Variants in KHDRBS2 observed in about 807,000 individuals in gnomAD.
The protein encoded by KHDRBS2 is KH RNA binding domain containing, signal transduction associated 2, also known as KH domain-containing, RNA-binding, signal transduction-associated protein 2.
KHDRBS2 carries 26 observed loss-of-function variants against 44.3 expected under a neutral mutation model. That is an observed-to-expected ratio of 0.59 (90% CI 0.43 to 0.81). The LOEUF (loss-of-function observed/expected upper bound fraction) is 0.81. Among genes scored for constraint, KHDRBS2 ranks in the 40% least tolerant of loss-of-function variants. The pLI is 0.00. For synonymous variants in KHDRBS2, 194 were observed against 151.1 expected, an observed-to-expected ratio of 1.28 and a Z score of -2.08; for missense variants, 476 against 433.1, an observed-to-expected ratio of 1.10 and a Z score of -0.88.
intron 1 of KHDRBS2, among the ~76,000 whole-genome samples, chr6:62,274,553 C>A (rs1265647672): frequency 6.6e-6 from 1 of 152,120 alleles, no homozygotes; most frequent in Non-Finnish European, 1.5e-5. Context: ...AATAAATATT[C>A]TCTTTCTTAT....
chr6:62,098,878 GCTCA>G (rs1295246681), intron 2 of KHDRBS2, among the ~76,000 whole-genome samples: 7 of 151,796 alleles, frequency 4.6e-5, no homozygotes, highest in Admixed American at 6.6e-5. Flanking sequence ...CTGTCTTTGG[GCTCA>G]CTATTTTTTT....
At chr6:62,027,352 T>C (rs1165252020) in intron 3 of KHDRBS2, among the ~76,000 whole-genome samples, 1 of 152,162 alleles carries the variant, frequency 6.6e-6, no homozygotes, top group Non-Finnish European at 1.5e-5. Context: ...TGTGATATAG[T>C]AAGAAATATA....
At position 61,894,768 on chromosome 6, in the gene KHDRBS2, C is replaced by A. The variant is rs1421825330; in HGVS notation, c.677G>T (p.Ser226Ile). The change falls in exon 6 of 9, where the codon AGC (serine) becomes ATC (isoleucine). Residue 226 changes from serine (S) to isoleucine (I), a missense_variant. Transcript: ENST00000281156. ...PGRGVLTPRG[S>I]TVTRGALPVP... ...TGGAAGCGCTCCACGGGTTACAGTG[C>A]TTCCCCGAGGGGTGAGAACACCTCG... The A allele has an allele frequency of 6.2e-7, 1 of 1,613,368 alleles. No homozygotes were observed. Among genetic ancestry groups the A allele is most frequent in the Non-Finnish European group, 8.5e-7 (1 of 1,179,776 alleles).
chr6:61,776,994 T>C (rs898678269), intron 6 of KHDRBS2, among the ~76,000 whole-genome samples: 1 of 152,148 alleles, frequency 6.6e-6, no homozygotes, highest in African/African-American at 2.4e-5. Flanking sequence ...TGTAGGGACA[T>C]GGACGAAACT....
chr6:61,913,916 GGT>G (rs1806500633), intron 4 of KHDRBS2, among the ~76,000 whole-genome samples: 2 of 152,184 alleles, frequency 1.3e-5, no homozygotes, highest in Admixed American at 6.6e-5. Context: ...AGTGAGCAAG[GGT>G]GTAAATGATA....
At chr6:61,791,937 T>C (rs1784696046) in intron 6 of KHDRBS2, among the ~76,000 whole-genome samples, 1 of 151,532 alleles carries the variant, frequency 6.6e-6, no homozygotes. Context: ...ATTCCTACCA[T>C]CTTATCTTGT....
chr6:61,564,552 G>T, the KHDRBS2 span, among the ~76,000 whole-genome samples: 2 of 151,954 alleles, frequency 1.3e-5, no homozygotes, highest in African/African-American at 4.8e-5. Context: ...AAGGTGATCT[G>T]GTATCTTCCA....
chr6:61,687,727 C>A (rs192724773), intron 8 of KHDRBS2, among the ~76,000 whole-genome samples: 6 of 151,796 alleles, frequency 4.0e-5, no homozygotes, highest in Admixed American at 1.3e-4. Flanking sequence ...ACAATTTTAT[C>A]TTCTGTGCCT....
At chr6:61,626,123 G>A in the KHDRBS2 span, among the ~76,000 whole-genome samples, 2 of 152,076 alleles carry the variant, frequency 1.3e-5, no homozygotes, top group African/African-American at 4.8e-5. Context: ...TCTACTTATA[G>A]ACATACTTTA....
chr6:62,209,882 G>A (rs1828725960), intron 1 of KHDRBS2, among the ~76,000 whole-genome samples: 1 of 152,078 alleles, frequency 6.6e-6, no homozygotes, highest in Non-Finnish European at 1.5e-5. Context: ...TGATTTGCCA[G>A]GAGCTCTCAA....
intron 2 of KHDRBS2, among the ~76,000 whole-genome samples, chr6:62,071,123 T>A (rs145615619): frequency 8.6e-5 from 13 of 152,012 alleles, no homozygotes; most frequent in Non-Finnish European, 1.5e-4. Context: ...TGTCTTTTGG[T>A]TGCATAAATG....
chr6:61,724,913 A>T (rs1217222173), intron 7 of KHDRBS2, among the ~76,000 whole-genome samples: 1 of 152,110 alleles, frequency 6.6e-6, no homozygotes, highest in Non-Finnish European at 1.5e-5. Flanking sequence ...TAAACAGAAA[A>T]TTAACAAAGT....
chr6:61,552,473 C>T, the KHDRBS2 span, among the ~76,000 whole-genome samples: 5 of 152,232 alleles, frequency 3.3e-5, no homozygotes, highest in East Asian at 7.7e-4. Flanking sequence ...GATAGTTTGA[C>T]TTCCTCTCTT....
chr6:61,922,620 C>G lies in KHDRBS2; in HGVS notation c.484-21249G>C, dbSNP rs183828982. 8.4e-4 allele frequency among the ~76,000 whole-genome samples: 128 copies of G among 152,174 alleles called. 2 individuals carry two copies. Among genetic ancestry groups the G allele is most frequent in the Non-Finnish European group, 1.6e-3 (106 of 67,988 alleles). ...GGAACCAGGAGTGGAGGAGGACCAACTAGACTAGAAATGCCATAATTCACA... is the reference window on the plus strand; with the variant it reads ...GGAACCAGGAGTGGAGGAGGACCAAGTAGACTAGAAATGCCATAATTCACA... On this transcript the variant is annotated intron_variant, in intron 4 of 8. Transcript: ENST00000281156.
At chr6:61,999,192 A>T (rs1434313068) in intron 3 of KHDRBS2, among the ~76,000 whole-genome samples, 6 of 152,080 alleles carry the variant, frequency 3.9e-5, no homozygotes, top group Non-Finnish European at 8.8e-5. Flanking sequence ...TTAGGGTAAA[A>T]ATTTGTTCAC....
chr6:61,864,121 CT>C (rs2127297327), intron 6 of KHDRBS2, among the ~76,000 whole-genome samples: 1 of 151,502 alleles, frequency 6.6e-6, no homozygotes, highest in South Asian at 2.1e-4. Context: ...CTCTTTTTTC[CT>C]GTTTTCCATT....
chr6:61,755,841 T>C (rs1182750494), intron 6 of KHDRBS2, among the ~76,000 whole-genome samples: 1 of 150,422 alleles, frequency 6.6e-6, no homozygotes, highest in Non-Finnish European at 1.5e-5. Flanking sequence ...TTGAAAAATA[T>C]ACTATAATAA....
At chr6:62,245,026 A>G (rs1480321336) in intron 1 of KHDRBS2, among the ~76,000 whole-genome samples, 2 of 152,114 alleles carry the variant, frequency 1.3e-5, no homozygotes, top group Non-Finnish European at 2.9e-5. Context: ...CAAGTTCTAC[A>G]GCATATTCCC....
chr6:61,943,006 G>GAA (rs1812451335), intron 4 of KHDRBS2, among the ~76,000 whole-genome samples: 2 of 84,990 alleles, frequency 2.4e-5, no homozygotes, highest in South Asian at 7.3e-4. Context: ...AAGAAAGAAA[G>GAA]AGAGAGAGAG....
Sources: allele counts gnomAD v4.1 joint callset (sites outside exome capture counted in the v4.1 genomes callset), GRCh38; gene constraint gnomAD v4.1.1; transcripts MANE v1.5; gene names NCBI Gene and HGNC (gene_info 2026-07-23, HGNC 2026-07-21).